UST: variants seen among roughly 807,000 people sequenced by gnomAD.
UST encodes the protein uronyl 2-sulfotransferase.
In UST, 21 loss-of-function variants were observed where a neutral mutation model predicts 45.6. The ratio of observed to expected loss-of-function variants is 0.46; its 90% confidence interval spans 0.33 to 0.66. The LOEUF is 0.66. Ranked by LOEUF, UST falls within the 30% of genes least tolerant of loss-of-function variation. UST has a pLI of 0.02. For missense variants in UST, 463 were observed against 512.4 expected, an observed-to-expected ratio of 0.90 and a Z score of 0.93; for synonymous variants, 215 against 200.6, an observed-to-expected ratio of 1.07 and a Z score of -0.61.
At chr6:149,010,895 C>CAAAAAA (rs1172538648) in intron 5 of UST, among the ~76,000 whole-genome samples, 1 of 65,602 alleles carries the variant, frequency 1.5e-5, no homozygotes, top group African/African-American at 6.6e-5. Context: ...CCGTCTCAAC[C>CAAAAAA]AAAAAAAAAA....
At chr6:148,971,092 C>T (rs1186912448) in intron 5 of UST, among the ~76,000 whole-genome samples, 2 of 152,154 alleles carry the variant, frequency 1.3e-5, no homozygotes, top group East Asian at 1.9e-4. Context: ...GTGGAGGGGA[C>T]ATGGGTGTGA....
At chr6:148,844,824 C>T (rs1418977403) in intron 1 of UST, among the ~76,000 whole-genome samples, 5 of 152,060 alleles carry the variant, frequency 3.3e-5, no homozygotes, top group Non-Finnish European at 5.9e-5. Context: ...GTATTGTTCT[C>T]GTGTTTATAT....
At chr6:148,900,762 C>T (rs1406694155) in intron 2 of UST, among the ~76,000 whole-genome samples, 1 of 152,186 alleles carries the variant, frequency 6.6e-6, no homozygotes, top group East Asian at 1.9e-4. Context: ...CATTTATTGT[C>T]TTACAGTTCT....
intron 7 of UST, among the ~76,000 whole-genome samples, chr6:149,034,834 TTC>T (rs60813679): frequency 1.8e-3 from 83 of 45,704 alleles, no homozygotes; most frequent in East Asian, 4.6e-3. Flanking sequence ...TTCATGCTCA[TTC>T]TCTCTCTCTC....
chr6:148,864,629 A>C (rs1470153671), intron 1 of UST, among the ~76,000 whole-genome samples: 2 of 152,224 alleles, frequency 1.3e-5, no homozygotes, highest in Non-Finnish European at 2.9e-5. Flanking sequence ...CCATCTTGGA[A>C]CTTCCAACAC....
chr6:148,794,949 G>A (rs951813051), intron 1 of UST, among the ~76,000 whole-genome samples: 3 of 152,100 alleles, frequency 2.0e-5, no homozygotes, highest in Admixed American at 6.6e-5. Context: ...TGACGGCTGC[G>A]TTGTCTTTTC....
At chr6:148,773,602 T>G (rs987713676) in intron 1 of UST, among the ~76,000 whole-genome samples, 1 of 152,218 alleles carries the variant, frequency 6.6e-6, no homozygotes, top group Non-Finnish European at 1.5e-5. Context: ...AAAACTACAT[T>G]TCTTTTAGTA....
At chr6:148,965,304 T>C (rs1170470927) in intron 5 of UST, among the ~76,000 whole-genome samples, 1 of 152,168 alleles carries the variant, frequency 6.6e-6, no homozygotes, top group African/African-American at 2.4e-5. Context: ...CATCCCTGTG[T>C]TGAGAAACAT....
chr6:148,881,466 G>T (rs1025782199), intron 1 of UST, among the ~76,000 whole-genome samples: 1 of 152,144 alleles, frequency 6.6e-6, no homozygotes, highest in Admixed American at 6.5e-5. Flanking sequence ...ACCCATAGAG[G>T]CCTCTGAAAA....
chr6:149,043,023 T>TTTC lies in UST; in HGVS notation c.937+21543_937+21544insTCT, dbSNP rs1562337829. On this transcript the variant is annotated intron_variant, in intron 7 of 7. Coordinates refer to ENST00000367463, the MANE Select transcript of UST (RefSeq NM_005715.3). ...TCTTTCTTTCTTTCTTTCTTTCTTTTTCTTTCTTTCTTTCTTTCTTTCCTT... is the reference window on the plus strand; with the variant it reads ...TCTTTCTTTCTTTCTTTCTTTCTTTTTTCTCTTTCTTTCTTTCTTTCTTTCCTT... Among the ~76,000 whole-genome samples, 11 of 108,588 alleles carry TTTC rather than the reference T, an allele frequency of 1.0e-4. No homozygotes were observed. The East Asian group carries it at 1.8e-3, about 18-fold the overall frequency. The allele number at this position is 108,588 out of a possible 152,430, so 71.2% of individuals were successfully genotyped here.
chr6:148,801,680 A>C (rs968043358), intron 1 of UST, among the ~76,000 whole-genome samples: 2 of 151,830 alleles, frequency 1.3e-5, no homozygotes, highest in African/African-American at 4.8e-5. Flanking sequence ...TCTCACCCTC[A>C]TCCTCCTGGG....
chr6:148,794,108 T>A (rs1776903305), intron 1 of UST, among the ~76,000 whole-genome samples: 1 of 152,256 alleles, frequency 6.6e-6, no homozygotes, highest in South Asian at 2.1e-4. Context: ...TTTCCAGTGC[T>A]GATCACAAGA....
At chr6:148,963,849 T>C (rs1780720663) in intron 4 of UST, among the ~76,000 whole-genome samples, 1 of 152,216 alleles carries the variant, frequency 6.6e-6, no homozygotes, top group South Asian at 2.1e-4. Context: ...ACATGAGGTA[T>C]TTAGAACAAG....
chr6:149,060,299 C>T (rs939631691), intron 7 of UST, among the ~76,000 whole-genome samples: 1 of 152,146 alleles, frequency 6.6e-6, no homozygotes, highest in Admixed American at 6.5e-5. Flanking sequence ...CCATGAAGTG[C>T]TTTTTGTTCT....
At chr6:149,071,528 T>C (rs181860183) in intron 7 of UST, among the ~76,000 whole-genome samples, 1 of 152,252 alleles carries the variant, frequency 6.6e-6, no homozygotes, top group Admixed American at 6.5e-5. Context: ...TGGTCTCCAT[T>C]ACAATTAAAA....
At chr6:148,932,127 C>T (rs1779932619) in intron 2 of UST, among the ~76,000 whole-genome samples, 1 of 152,200 alleles carries the variant, frequency 6.6e-6, no homozygotes, top group Non-Finnish European at 1.5e-5. Context: ...TGCCTGTAAT[C>T]CCAGCGCTTT....
chr6:148,943,385 G>A (rs936349412), intron 3 of UST, among the ~76,000 whole-genome samples: 3 of 152,164 alleles, frequency 2.0e-5, no homozygotes, highest in Admixed American at 6.5e-5. Flanking sequence ...AGAACACAAA[G>A]TACAGTATTT....
chr6:148,873,516 G>A (rs1226564245), intron 1 of UST, among the ~76,000 whole-genome samples: 3 of 152,134 alleles, frequency 2.0e-5, no homozygotes, highest in Non-Finnish European at 4.4e-5. Context: ...ACCCCACTTT[G>A]CTTAGGCCAC....
chr6:148,794,846 T>A (rs1305623606), intron 1 of UST, among the ~76,000 whole-genome samples: 2 of 152,232 alleles, frequency 1.3e-5, no homozygotes, highest in Non-Finnish European at 2.9e-5. Context: ...TCCTTCTGTT[T>A]CTACCACACT....
Sources: gnomAD v4.1 joint callset for allele counts (sites outside exome capture counted in the v4.1 genomes callset) on GRCh38, gnomAD v4.1.1 for gene constraint, MANE v1.5 for transcripts, NCBI Gene and HGNC (gene_info 2026-07-23, HGNC 2026-07-21) for gene names.